The following DSC1 variants were observed in gnomAD, a reference collection of about 807,000 sequenced individuals.
The protein encoded by DSC1 is desmocollin 1.
Under a neutral mutation model 98.8 loss-of-function variants are expected in DSC1, and 79 were observed. That is an observed-to-expected ratio of 0.80 (90% CI 0.67 to 0.96). The LOEUF is 0.96. DSC1 is among the 50% of genes least tolerant of loss of function. DSC1 has a pLI of 0.00. For synonymous variants in DSC1, 405 were observed against 372.1 expected (o/e 1.09, Z -1.02); for missense variants, 1,115 against 1,075.9 (o/e 1.04, Z -0.51).
intron 11 of DSC1, among the ~76,000 whole-genome samples, chr18:31,135,383 C>T (rs1456501919): frequency 6.6e-6 from 1 of 152,128 alleles, no homozygotes; most frequent in Non-Finnish European, 1.5e-5. Context: ...CCAGTGCTTT[C>T]TCAGAACTCT....
intron 13 of DSC1, among the ~76,000 whole-genome samples, chr18:31,133,539 C>T (rs1988540683): frequency 6.6e-6 from 1 of 152,116 alleles, no homozygotes; most frequent in Non-Finnish European, 1.5e-5. Flanking sequence ...CCTACATAAA[C>T]ATGGCTGGTT....
intron 6 of DSC1, 32 bp from the exon 7 acceptor site, chr18:31,145,809 T>G: frequency 9.4e-6 from 15 of 1,590,126 alleles, no homozygotes; most frequent in Non-Finnish European, 1.3e-5. Context: ...TGTCAAAAAT[T>G]TCTACTCATA....
At position 31,157,406 on chromosome 18, in the gene DSC1, CTT is replaced by C; in HGVS notation, c.314_315del (p.Gln105ArgfsTer15). ...CTTGCTGACAGTACAACTTTTATCT[CTT>C]GTTGTTCCCGTCTCTGACCATCTGA... ...FLSDGQRREQQEIKVVLSARE... is the reference protein window; with the variant it reads ...FLSDGQRREQXEIKVVLSARE... On this transcript the variant is annotated frameshift_variant, in exon 3 of 16. Transcript: ENST00000257198. LOFTEE classifies it high-confidence loss of function. The C allele has an allele frequency of 6.2e-7, 1 of 1,614,184 alleles. No homozygotes were observed. The highest frequency in any genetic ancestry group is 1.1e-5 in the South Asian group (1 of 91,074).
intron 5 of DSC1, among the ~76,000 whole-genome samples, chr18:31,152,117 G>A (rs150174168): frequency 0.012 from 1,861 of 151,896 alleles, 40 homozygotes; most frequent in African/African-American, 0.043. Flanking sequence ...AGCCGAGATC[G>A]GATTACTGCA....
intron 5 of DSC1, among the ~76,000 whole-genome samples, chr18:31,152,068 A>G (rs1989010188): frequency 6.6e-6 from 1 of 152,064 alleles, no homozygotes; most frequent in Non-Finnish European, 1.5e-5. Context: ...AGGTTGAGGC[A>G]GGAGAATTGC....
intron 9 of DSC1, among the ~76,000 whole-genome samples, chr18:31,141,624 G>A (rs72924570): frequency 0.1 from 15,610 of 152,082 alleles, 834 homozygotes; most frequent in East Asian, 0.13. Context: ...GAACATGAAA[G>A]GAGTTGAAAA....
intron 5 of DSC1, among the ~76,000 whole-genome samples, chr18:31,152,830 C>T (rs1989026903): frequency 6.6e-6 from 1 of 151,714 alleles, no homozygotes; most frequent in African/African-American, 2.4e-5. Flanking sequence ...CTTATTTTAA[C>T]CTCTGCATTG....
chr18:31,145,905 G>A (rs1452801415), intron 6 of DSC1, 128 bp from the exon 7 acceptor site: 1 of 993,116 alleles, frequency 1.0e-6, no homozygotes, highest in African/African-American at 1.6e-5. Flanking sequence ...CTACTGTTAA[G>A]TTGACGAATG....
At chr18:31,152,756 A>G (rs1490880033) in intron 5 of DSC1, among the ~76,000 whole-genome samples, 1 of 152,124 alleles carries the variant, frequency 6.6e-6, no homozygotes, top group Non-Finnish European at 1.5e-5. Flanking sequence ...ACCAATTCCC[A>G]GAAACATACA....
At chr18:31,146,743 C>T (rs1050797830) in intron 6 of DSC1, among the ~76,000 whole-genome samples, 6 of 152,164 alleles carry the variant, frequency 3.9e-5, no homozygotes, top group Middle Eastern at 3.2e-3. Context: ...TGAATGGGAC[C>T]TTCTCTGCAT....
intron 6 of DSC1, 71 bp from the exon 7 acceptor site, chr18:31,145,848 A>G: frequency 2.6e-6 from 4 of 1,513,086 alleles, no homozygotes; most frequent in Non-Finnish European, 3.6e-6. Flanking sequence ...AATAAAATCA[A>G]GGCATTGCTG....
At chr18:31,139,481 T>A (rs1658108) in intron 11 of DSC1, among the ~76,000 whole-genome samples, 122,674 of 152,018 alleles carry the variant, frequency 0.81, 50,049 homozygotes, top group Non-Finnish European at 0.87. Flanking sequence ...CATCTTTGAA[T>A]CCTTAGACCT....
chr18:31,140,108 G>A lies in DSC1; in HGVS notation c.1454C>T (p.Pro485Leu). Residue 485 changes from proline to leucine, a missense_variant, in exon 10 of 16, where the codon CCA becomes CTA. By Grantham distance (98) the Pro-to-Leu change is moderately conservative. Transcript: ENST00000257198. ...GTATCCAAGGAGTTCTTGGCCAGCTGGGAAGCCATCTTGACTCTGAATAAC... is the reference window on the plus strand; with the variant it reads ...GTATCCAAGGAGTTCTTGGCCAGCTAGGAAGCCATCTTGACTCTGAATAAC... The part of the protein sequence containing the change: ...VKVIQSQDGF[P>L]AGQELLGYKA... 6.2e-7 allele frequency: 1 copy of A among 1,613,996 alleles called. No individual in the cohort carries two copies. Among genetic ancestry groups the A allele is most frequent in the Non-Finnish European group, 8.5e-7 (1 of 1,179,934 alleles).
At chr18:31,150,395 A>ACAC (rs1568002939) in intron 5 of DSC1, among the ~76,000 whole-genome samples, 2 of 55,576 alleles carry the variant, frequency 3.6e-5, no homozygotes, top group African/African-American at 5.5e-5. Context: ...CATCACCACC[A>ACAC]TTATCACCAC....
At chr18:31,148,174 C>T (rs749001509) in intron 6 of DSC1, among the ~76,000 whole-genome samples, 10 of 152,084 alleles carry the variant, frequency 6.6e-5, no homozygotes, top group Non-Finnish European at 1.2e-4. Context: ...AAACCAAACA[C>T]CAACTTCAGC....
chr18:31,132,879 G>C (rs1291525003), intron 13 of DSC1, among the ~76,000 whole-genome samples, 190 bp from the exon 14 acceptor site: 1 of 152,062 alleles, frequency 6.6e-6, no homozygotes, highest in Non-Finnish European at 1.5e-5. Context: ...ATTAATAATA[G>C]CTCTCTTCCC....
At chr18:31,139,966 T>C (rs780348625) in intron 10 of DSC1, 76 bp from the exon 11 acceptor site, 2 of 1,564,010 alleles carry the variant, frequency 1.3e-6, no homozygotes, top group East Asian at 2.2e-5. Flanking sequence ...TTTTGAAAAA[T>C]ACATAAAACA....
At chr18:31,139,690 A>C (rs1161659830) in intron 11 of DSC1, 58 bp downstream of exon 11, 4 of 1,443,310 alleles carry the variant, frequency 2.8e-6, no homozygotes, top group Non-Finnish European at 1.9e-6. Context: ...TTTCACCACA[A>C]GGTTTCCTTA....
Position 31,145,949 on chromosome 18 carries a change from A to G in DSC1, c.773-172T>C, listed in dbSNP as rs372525378. On this transcript the variant is annotated intron_variant, in intron 6 of 15. Transcript: ENST00000257198. ...TTCTAAATGTCTCCAAGCCTCCCTT[A>G]CTCGGGAACTTCAGTTAGGTGGCCC... 2.6e-5 allele frequency among the ~76,000 whole-genome samples: 4 copies of G among 152,282 alleles called. No homozygotes were observed. In the East Asian group the frequency reaches 7.7e-4, roughly 29 times the overall value.
Sources: allele counts gnomAD v4.1 joint callset (sites outside exome capture counted in the v4.1 genomes callset), GRCh38; gene constraint gnomAD v4.1.1; transcripts MANE v1.5; gene names NCBI Gene and HGNC (gene_info 2026-07-23, HGNC 2026-07-21).